Variants in KCNJ6 observed in about 807,000 individuals in gnomAD.
The protein encoded by KCNJ6 is potassium inwardly rectifying channel subfamily J member 6.
Under a neutral mutation model 34.2 loss-of-function variants are expected in KCNJ6, and 9 were observed. The observed-to-expected ratio is 0.26, with a 90% confidence interval of 0.16 to 0.46. The LOEUF (loss-of-function observed/expected upper bound fraction) is 0.46. Among genes scored for constraint, KCNJ6 ranks in the 20% least tolerant of loss-of-function variants. KCNJ6 has a pLI of 1.00. For synonymous variants in KCNJ6, 196 were observed against 207.1 expected (o/e 0.95, Z 0.46); for missense variants, 236 against 531.3 (o/e 0.44, Z 5.46).
intron 1 of KCNJ6, among the ~76,000 whole-genome samples, chr21:37,906,093 A>G (rs1268910939): frequency 1.3e-5 from 2 of 152,260 alleles, no homozygotes; most frequent in African/African-American, 4.8e-5. Flanking sequence ...TTTGAAAAGA[A>G]CAAATAAACT....
chr21:37,777,034 T>C (rs1275560214), intron 2 of KCNJ6, among the ~76,000 whole-genome samples: 1 of 152,192 alleles, frequency 6.6e-6, no homozygotes, highest in Non-Finnish European at 1.5e-5. Flanking sequence ...GAGCCTGTTA[T>C]TGGTCTATTC....
chr21:37,713,526 A>T (rs2054773926), intron 3 of KCNJ6, among the ~76,000 whole-genome samples: 1 of 152,304 alleles, frequency 6.6e-6, no homozygotes, highest in African/African-American at 2.4e-5. Flanking sequence ...GTAAAAACAG[A>T]CCATTTTCTC....
rs1377412568 is a variant in KCNJ6 at position 37,887,303 on chromosome 21, C to A, written c.-28+28581G>T. On this transcript the variant is annotated intron_variant, in intron 1 of 3. Transcript: ENST00000609713. ...CCTGTATTGACTAACCCTCCCCCAG[C>A]CCCATCCTCATGCCTGGTTATGAAT... Among the ~76,000 whole-genome samples the A allele has an allele frequency of 5.9e-5, 9 of 152,358 alleles. 1 individual carries two copies. The South Asian group carries it at 1.7e-3, about 28-fold the overall frequency.
chr21:37,735,941 G>A (rs1451936831), intron 2 of KCNJ6, among the ~76,000 whole-genome samples: 2 of 152,214 alleles, frequency 1.3e-5, no homozygotes, highest in African/African-American at 4.8e-5. Flanking sequence ...ATGAGCCATT[G>A]GGAAGCACAT....
At chr21:37,662,070 T>C (rs1206063839) in intron 3 of KCNJ6, among the ~76,000 whole-genome samples, 13 of 152,342 alleles carry the variant, frequency 8.5e-5, no homozygotes, top group South Asian at 8.3e-4. Context: ...CCTTGCAGTC[T>C]TGTGATCAGA....
intron 3 of KCNJ6, among the ~76,000 whole-genome samples, chr21:37,653,668 T>C (rs932386368): frequency 2.6e-5 from 4 of 152,236 alleles, no homozygotes; most frequent in African/African-American, 9.6e-5. Flanking sequence ...GTTTGATACA[T>C]TTCATAGGCT....
At position 37,625,490 on chromosome 21, in the gene KCNJ6, G is replaced by C. The variant is rs745488193; in HGVS notation, c.947-6C>G. 5 of 1,607,576 alleles carry C rather than the reference G, an allele frequency of 3.1e-6. No individual in the cohort carries two copies. Among genetic ancestry groups the C allele is most frequent in the Middle Eastern group, 3.3e-4 (2 of 6,026 alleles). The stretch of plus-strand genomic sequence containing the variant: ...TCGAGCTTGGCATGTCATCCCTGCA[G>C]AGAGAAGAATGGAGGCTTTAGCATA... On this transcript the variant is annotated splice_polypyrimidine_tract_variant and splice_region_variant and intron_variant, in intron 3 of 3. Coordinates refer to ENST00000609713, the MANE Select transcript of KCNJ6 (RefSeq NM_002240.5).
chr21:37,648,871 C>T (rs1315068387), intron 3 of KCNJ6, among the ~76,000 whole-genome samples: 1 of 152,008 alleles, frequency 6.6e-6, no homozygotes, highest in African/African-American at 2.4e-5. Context: ...GTGGCTCATG[C>T]CTGTAATCCC....
intron 2 of KCNJ6, among the ~76,000 whole-genome samples, chr21:37,727,604 C>CCGGTTATAAGGAAGAGGGATAGT (rs1210872869): frequency 4.6e-5 from 7 of 151,866 alleles, no homozygotes; most frequent in Non-Finnish European, 7.4e-5. Flanking sequence ...AGAGGGAGAG[C>CCGGTTATAAGGAAGAGGGATAGT]CGGTTATAAG....
At chr21:37,790,842 C>T (rs2055213308) in intron 2 of KCNJ6, among the ~76,000 whole-genome samples, 1 of 152,204 alleles carries the variant, frequency 6.6e-6, no homozygotes, top group Non-Finnish European at 1.5e-5. Context: ...AATCACATGC[C>T]CACCGTCCCA....
At chr21:37,758,829 CTG>C (rs2055045275) in intron 2 of KCNJ6, among the ~76,000 whole-genome samples, 1 of 152,132 alleles carries the variant, frequency 6.6e-6, no homozygotes, top group Non-Finnish European at 1.5e-5. Flanking sequence ...TGAGAGCTTG[CTG>C]TGTTTCCCAG....
chr21:37,628,805 A>G (rs1398338932), intron 3 of KCNJ6, among the ~76,000 whole-genome samples: 1 of 152,232 alleles, frequency 6.6e-6, no homozygotes. Context: ...TAAACAACTC[A>G]TTACATGCAA....
At chr21:37,907,316 A>G (rs2055846489) in intron 1 of KCNJ6, among the ~76,000 whole-genome samples, 2 of 151,734 alleles carry the variant, frequency 1.3e-5, no homozygotes. Flanking sequence ...AGGGACTGAG[A>G]TATCATTTTT....
At chr21:37,853,853 T>TATATATATATATATACAC (rs58043642) in intron 1 of KCNJ6, among the ~76,000 whole-genome samples, 5 of 142,292 alleles carry the variant, frequency 3.5e-5, no homozygotes, top group East Asian at 2.1e-4. Context: ...TATGTATATA[T>TATATATATATATATACAC]ATATATATAA....
chr21:37,697,241 C>T (rs1049153733), intron 3 of KCNJ6, among the ~76,000 whole-genome samples: 3 of 152,090 alleles, frequency 2.0e-5, no homozygotes, highest in Non-Finnish European at 2.9e-5. Flanking sequence ...TGGGGTGCTC[C>T]CCTTGCTGGG....
rs1463873991 is a variant in KCNJ6 at position 37,611,899 on chromosome 21, T to C, written c.*13260A>G. On this transcript the variant is annotated 3_prime_UTR_variant, in exon 4 of 4. Transcript: ENST00000609713. Reference sequence around the variant, plus strand: ...CTAAATGGCGTGATGGTGAGAAACCTGAAGCTGTCTCACTAAGATCAGGAA... The same window carrying C: ...CTAAATGGCGTGATGGTGAGAAACCCGAAGCTGTCTCACTAAGATCAGGAA... The C allele has an allele frequency of 6.6e-6, 1 of 151,872 alleles. No individual in the cohort carries two copies. Among genetic ancestry groups the C allele is most frequent in the Admixed American group, 6.6e-5 (1 of 15,244 alleles). 9.4% of individuals were successfully genotyped at this position (151,872 alleles called of 1,614,324 possible). A position where few individuals can be genotyped will look rare whatever the true frequency, so the allele number is the denominator to read the frequency against.
chr21:37,861,889 C>CT (rs1360048666), intron 1 of KCNJ6, among the ~76,000 whole-genome samples: 4 of 152,210 alleles, frequency 2.6e-5, no homozygotes, highest in Non-Finnish European at 4.4e-5. Context: ...TGCTGGGCCC[C>CT]TGGGCAAGCT....
intron 2 of KCNJ6, among the ~76,000 whole-genome samples, chr21:37,750,644 C>T (rs2123482850): frequency 6.6e-6 from 1 of 152,130 alleles, no homozygotes; most frequent in Middle Eastern, 3.4e-3. Context: ...AACCAAACAC[C>T]ACATGTTCTC....
intron 3 of KCNJ6, among the ~76,000 whole-genome samples, chr21:37,639,583 T>G (rs1479307708): frequency 6.6e-6 from 1 of 152,226 alleles, no homozygotes; most frequent in African/African-American, 2.4e-5. Context: ...TTCAAAAATT[T>G]AGTCAGCACA....
Sources: gnomAD v4.1 joint callset for allele counts (sites outside exome capture counted in the v4.1 genomes callset) on GRCh38, gnomAD v4.1.1 for gene constraint, MANE v1.5 for transcripts, NCBI Gene and HGNC (gene_info 2026-07-23, HGNC 2026-07-21) for gene names.